The following NPAS4 variants were observed in gnomAD, a reference collection of about 807,000 sequenced individuals.
NPAS4 encodes neuronal PAS domain-containing protein 4.
A neutral mutation model predicts 64.0 loss-of-function variants in NPAS4; 10 were observed. That is an observed-to-expected ratio of 0.16 (90% CI 0.10 to 0.26). NPAS4 has a LOEUF of 0.26. Among genes scored for constraint, NPAS4 ranks in the 10% least tolerant of loss-of-function variants. The pLI, the probability that NPAS4 is intolerant of heterozygous loss-of-function variation, is 1.00. For synonymous variants in NPAS4, 441 were observed against 411.7 expected, an observed-to-expected ratio of 1.07 and a Z score of -0.86; for missense variants, 886 against 992.6, an observed-to-expected ratio of 0.89 and a Z score of 1.44.
chr11:66,418,939 A>C (rs1301535492), upstream of NPAS4, among the ~76,000 whole-genome samples: 2 of 152,130 alleles, frequency 1.3e-5, no homozygotes, highest in Non-Finnish European at 2.9e-5. Context: ...GGAGGCCATG[A>C]CACCCAGCCA....
chr11:66,416,177 G>C (rs1856667026), upstream of NPAS4, among the ~76,000 whole-genome samples: 1 of 152,130 alleles, frequency 6.6e-6, no homozygotes, highest in Admixed American at 6.5e-5. Context: ...AAGTCTTTTT[G>C]TCCCTCTGCT....
Position 66,424,766 on chromosome 11 carries a change from G to A in NPAS4, c.1876G>A (p.Glu626Lys). The A allele has an allele frequency of 1.2e-6, 2 of 1,614,066 alleles. No individual in the cohort carries two copies. Among genetic ancestry groups the A allele is most frequent in the Middle Eastern group, 1.6e-4 (1 of 6,062 alleles). The change falls in exon 7 of 8, where the codon GAA (glutamate) becomes AAA (lysine). Residue 626 changes from glutamate (E) to lysine (K), a missense_variant. Physicochemically the swap from Glu to Lys is moderately conservative, Grantham distance 56. Coordinates refer to ENST00000311034, the MANE Select transcript of NPAS4 (RefSeq NM_178864.4). The stretch of plus-strand genomic sequence containing the variant: ...CAAGCAGAGTTTCTTCCACTACTCT[G>A]AAAAGGAGCAGAATGAGATAGACCG... ...PVKQSFFHYS[E>K]KEQNEIDRLI...
chr11:66,424,213 T>C lies in NPAS4; in HGVS notation c.1323T>C (p.His441=). 1 of 1,614,098 alleles carries C rather than the reference T, an allele frequency of 6.2e-7. No individual in the cohort carries two copies. The highest frequency in any genetic ancestry group is 8.5e-7 in the Non-Finnish European group (1 of 1,180,008). Residue 441 remains histidine (H), a synonymous_variant, in exon 7 of 8, where the codon CAT becomes CAC. Coordinates refer to ENST00000311034, the MANE Select transcript of NPAS4 (RefSeq NM_178864.4). ...GCTGTGCCTTCCTCTTCAGCCTCCATGAGCCCTTCCAGACCCATTTGCCCA... is the reference window on the plus strand; with the variant it reads ...GCTGTGCCTTCCTCTTCAGCCTCCACGAGCCCTTCCAGACCCATTTGCCCA... ...PGGCAFLFSL[H]EPFQTHLPTP...
the NPAS4 span, among the ~76,000 whole-genome samples, chr11:66,415,653 A>T: frequency 6.6e-6 from 1 of 152,226 alleles, no homozygotes; most frequent in African/African-American, 2.4e-5. Flanking sequence ...ATGTGGCTAG[A>T]TTTGCAGTCC....
At chr11:66,417,282 G>A (rs1469669220), upstream of NPAS4, 1 of 151,758 alleles carries the variant, frequency 6.6e-6, no homozygotes, top group African/African-American at 2.4e-5. Flanking sequence ...GCATGTGTAT[G>A]TGCGCCTGTG....
upstream of NPAS4, among the ~76,000 whole-genome samples, chr11:66,417,559 T>C (rs573094382): frequency 6.6e-6 from 1 of 151,944 alleles, no homozygotes; most frequent in Non-Finnish European, 1.5e-5. Flanking sequence ...GAGGAGAAGA[T>C]GTTAGGTGGA....
intron 4 of NPAS4, 58 bp downstream of exon 4, chr11:66,422,999 A>G (rs1856773022): frequency 6.3e-7 from 1 of 1,575,818 alleles, no homozygotes. Context: ...AAGGGACCCT[A>G]GATTCTGGAG....
chr11:66,418,599 C>A (rs1340865170), upstream of NPAS4, among the ~76,000 whole-genome samples: 1 of 152,132 alleles, frequency 6.6e-6, no homozygotes, highest in Admixed American at 6.5e-5. Context: ...CCTCCCTTGT[C>A]CCTTTCTAGA....
Position 66,422,568 on chromosome 11 carries a change from C to T in NPAS4, c.430+15C>T. Reference sequence around the variant, plus strand: ...CCTGGACACTGGTAAGGACTCCCTTCTCCCTTCCTCGGTCCAATTTCCCAC... The same window carrying T: ...CCTGGACACTGGTAAGGACTCCCTTTTCCCTTCCTCGGTCCAATTTCCCAC... On this transcript the variant is annotated intron_variant, in intron 3 of 7. Transcript: ENST00000311034. 4 of 1,608,638 alleles carry T rather than the reference C, an allele frequency of 2.5e-6. No individual in the cohort carries two copies. The highest frequency in any genetic ancestry group is 3.4e-6 in the Non-Finnish European group (4 of 1,174,994).
At chr11:66,418,702 A>T (rs528657205), upstream of NPAS4, among the ~76,000 whole-genome samples, 40 of 152,038 alleles carry the variant, frequency 2.6e-4, no homozygotes, top group South Asian at 2.9e-3. Flanking sequence ...TCCCTTGCTT[A>T]CTTCACCCTT....
In NPAS4 at chr11:66,424,243, A is replaced by G; in HGVS notation, c.1353A>G (p.Pro451=). The change falls in exon 7 of 8, where the codon CCA becomes CCG. Residue 451 remains proline (P), a synonymous_variant. Transcript: ENST00000311034. The stretch of plus-strand genomic sequence containing the variant: ...CCTTCCAGACCCATTTGCCCACCCC[A>G]TCCAGCACTCTTCAAGAACAGCTGA... ...HEPFQTHLPT[P]SSTLQEQLTP... is the part of the protein sequence containing the mutation. The G allele has an allele frequency of 1.9e-6, 3 of 1,613,826 alleles. No homozygotes were observed. The highest frequency in any genetic ancestry group is 2.5e-6 in the Non-Finnish European group (3 of 1,179,962).
upstream of NPAS4, among the ~76,000 whole-genome samples, chr11:66,418,848 A>T (rs1291331461): frequency 2.0e-5 from 3 of 152,176 alleles, no homozygotes; most frequent in African/African-American, 4.8e-5. Flanking sequence ...AAACCGTAGC[A>T]TGACTTCCAT....
upstream of NPAS4, among the ~76,000 whole-genome samples, chr11:66,420,045 T>C (rs1217684806): frequency 1.3e-5 from 2 of 152,102 alleles, no homozygotes; most frequent in Admixed American, 1.3e-4. Flanking sequence ...TGTCCTAATA[T>C]GGAGCTGGGA....
At position 66,421,218 on chromosome 11, in the gene NPAS4, G is replaced by A; in HGVS notation, c.39G>A (p.Arg13=). The A allele has an allele frequency of 6.2e-7, 1 of 1,613,310 alleles. No homozygotes were observed. The highest frequency in any genetic ancestry group is 8.5e-7 in the Non-Finnish European group (1 of 1,179,678). The change falls in exon 1 of 8, where the codon CGG becomes CGA. Residue 13 remains arginine (R), a synonymous_variant. Coordinates refer to ENST00000311034, the MANE Select transcript of NPAS4 (RefSeq NM_178864.4). ...CCAAGGGCGCCTCCAAGGCGCGCCG[G>A]GACCAGATCAACGCCGAGATCCGGA... The part of the protein sequence containing the change: ...RSTKGASKAR[R]DQINAEIRNL...
chr11:66,423,966 C>A lies in NPAS4; in HGVS notation c.1076C>A (p.Thr359Asn). 1 of 1,614,160 alleles carries A rather than the reference C, an allele frequency of 6.2e-7. No homozygotes were observed. Among genetic ancestry groups the A allele is most frequent in the Non-Finnish European group, 8.5e-7 (1 of 1,180,008 alleles). Residue 359 changes from threonine (T) to asparagine (N), a missense_variant, in exon 7 of 8, where the codon ACT (threonine) becomes AAT (asparagine). This residue lies in a region of NPAS4 where 820 missense variants were observed against 855.5 expected (regional missense o/e 0.96). Coordinates refer to ENST00000311034, the MANE Select transcript of NPAS4 (RefSeq NM_178864.4). ...CTTTCCCAGGAAGAGTGCTCCAGCA[C>A]TAACCCACTCTTCACCGCAGCACTG... is the stretch of plus-strand genomic sequence containing the variant. Reference protein sequence around the residue: ...NILSQEECSSTNPLFTAALGA... With the variant: ...NILSQEECSSNNPLFTAALGA...
chr11:66,418,626 A>G (rs1272674203), upstream of NPAS4, among the ~76,000 whole-genome samples: 3 of 151,822 alleles, frequency 2.0e-5, no homozygotes, highest in African/African-American at 7.3e-5. Flanking sequence ...TTCCCTTCCA[A>G]AGTGTTTCTT....
intron 1 of NPAS4, among the ~76,000 whole-genome samples, chr11:66,421,732 G>T (rs904158531): frequency 3.3e-5 from 5 of 152,232 alleles, no homozygotes; most frequent in Non-Finnish European, 2.9e-5. Context: ...TGCTGAAAGG[G>T]ATCTCCTGTC....
upstream of NPAS4, among the ~76,000 whole-genome samples, chr11:66,416,523 GC>G (rs1273214493): frequency 6.6e-6 from 1 of 152,182 alleles, no homozygotes; most frequent in Non-Finnish European, 1.5e-5. Context: ...TGAAAAATGG[GC>G]TTCAGTGCTC....
At chr11:66,412,336 G>A in the NPAS4 span, among the ~76,000 whole-genome samples, 3 of 152,162 alleles carry the variant, frequency 2.0e-5, no homozygotes, top group African/African-American at 7.2e-5. Flanking sequence ...GCTGGGGCCC[G>A]AGCCAGAGCC....
Sources: allele counts gnomAD v4.1 joint callset (sites outside exome capture counted in the v4.1 genomes callset), GRCh38; gene constraint gnomAD v4.1.1; regional missense constraint gnomAD v4.1.1; transcripts MANE v1.5; gene names NCBI Gene and HGNC (gene_info 2026-07-23, HGNC 2026-07-21).